The following LINC00632 variants were observed in gnomAD, a reference collection of about 807,000 sequenced individuals.
LINC00632 encodes the protein long independently transcribed non-coding RNA 632.
intron 2 of LINC00632, among the ~76,000 whole-genome samples, chrX:140,718,612 T>G (rs924591306): frequency 9.0e-6 from 1 of 111,023 alleles, no homozygotes; most frequent in Admixed American, 9.7e-5. Context: ...GGTTTCGCCA[T>G]GCTGGCCAGG....
chrX:140,787,333 T>C (rs1313785364), exon 5 of LINC00632, among the ~76,000 whole-genome samples: 1 of 111,789 alleles, frequency 8.9e-6, no homozygotes, highest in African/African-American at 3.2e-5. Context: ...ACTTAATAAA[T>C]TGTGAACAAC....
exon 5 of LINC00632, among the ~76,000 whole-genome samples, chrX:140,788,223 A>G (rs746118889): frequency 9.0e-6 from 1 of 110,514 alleles, no homozygotes; most frequent in Non-Finnish European, 1.9e-5. Context: ...ATGAATTCAT[A>G]TTATGGTTAA....
intron 2 of LINC00632, among the ~76,000 whole-genome samples, chrX:140,718,443 G>A (rs1182312169): frequency 3.1e-5 from 3 of 96,821 alleles, no homozygotes; most frequent in East Asian, 3.2e-4. Context: ...ATGGAGTCTC[G>A]CTCTTGTTGC....
At chrX:140,787,851 GA>G (rs1305555649) in exon 5 of LINC00632, among the ~76,000 whole-genome samples, 1 of 109,503 alleles carries the variant, frequency 9.1e-6, no homozygotes, top group Non-Finnish European at 1.9e-5. Flanking sequence ...ATACCTTCGG[GA>G]AAATAACTAG....
intron 3 of LINC00632, among the ~76,000 whole-genome samples, chrX:140,738,860 A>G (rs1289194157): frequency 1.8e-5 from 2 of 112,095 alleles, no homozygotes; most frequent in African/African-American, 6.5e-5. Context: ...ATTATATGAC[A>G]GTGCTGGTCT....
At chrX:140,738,516 GA>G (rs1931179008) in intron 3 of LINC00632, among the ~76,000 whole-genome samples, 1 of 112,073 alleles carries the variant, frequency 8.9e-6, no homozygotes, top group South Asian at 3.7e-4. Flanking sequence ...AAATGTCCTG[GA>G]AGGGATGTTT....
intron 2 of LINC00632, among the ~76,000 whole-genome samples, chrX:140,719,011 TCA>T (rs898192761): frequency 9.0e-6 from 1 of 111,705 alleles, no homozygotes; most frequent in African/African-American, 3.3e-5. Context: ...CAGAACAGCA[TCA>T]CACCACATAA....
chrX:140,711,681 C>T (rs750088834), intron 2 of LINC00632: 33 of 268,667 alleles, frequency 1.2e-4, no homozygotes, highest in Middle Eastern at 9.9e-4. Flanking sequence ...AAGGTTTCTT[C>T]CCCCCAACAC....
At chrX:140,773,072 A>T (rs1271704643) in exon 4 of LINC00632, among the ~76,000 whole-genome samples, 3 of 111,719 alleles carry the variant, frequency 2.7e-5, no homozygotes, top group Non-Finnish European at 5.6e-5. Flanking sequence ...AGGCTGAGGC[A>T]GGAGAATCGC....
At chrX:140,731,363 TC>T (rs1401313523) in intron 2 of LINC00632, among the ~76,000 whole-genome samples, 1 of 111,949 alleles carries the variant, frequency 8.9e-6, no homozygotes, top group African/African-American at 3.2e-5. Context: ...GCTCTACCAC[TC>T]CCTGGGGCTA....
At chrX:140,713,797 C>G (rs1930567904) in intron 2 of LINC00632, 1 of 329,072 alleles carries the variant, frequency 3.0e-6, no homozygotes, top group Admixed American at 3.2e-5. Context: ...AGAGACTCAC[C>G]TGAGGCACAC....
chrX:140,759,345 C>A (rs1247149165), intron 3 of LINC00632, among the ~76,000 whole-genome samples: 1 of 47,681 alleles, frequency 2.1e-5, no homozygotes, highest in East Asian at 4.3e-4. Context: ...TCCTTCCTTC[C>A]TTTCTTTCTT....
intron 3 of LINC00632, chrX:140,764,495 T>C (rs1301729288): frequency 8.9e-6 from 1 of 112,215 alleles, no homozygotes; most frequent in Non-Finnish European, 1.9e-5. Flanking sequence ...CCCCGCCCAG[T>C]GCAGAGGGTG....
intron 2 of LINC00632, among the ~76,000 whole-genome samples, chrX:140,731,688 T>C (rs763173820): frequency 6.3e-5 from 7 of 111,678 alleles, no homozygotes; most frequent in South Asian, 3.8e-4. Context: ...CATGGATACA[T>C]AGACATGCAG....
At position 140,751,736 on chromosome X, in the gene LINC00632, T is replaced by C. The variant is rs185826896; in HGVS notation, n.191+17772T>C. 7.0e-3 allele frequency among the ~76,000 whole-genome samples: 785 copies of C among 112,087 alleles called. 3 individuals carry two copies. Among genetic ancestry groups the C allele is most frequent in the Middle Eastern group, 0.019 (4 of 215 alleles). ...TTTTCAAATTTTTCATTTAATCTTG[T>C]ATTTGTGAATATTACTAAATGTCTT... On this transcript the variant is annotated intron_variant and non_coding_transcript_variant, in intron 3 of 4. Coordinates refer to ENST00000648200, the Ensembl canonical transcript of LINC00632.
chrX:140,774,792 G>C (rs747446386), exon 5 of LINC00632, among the ~76,000 whole-genome samples: 4 of 111,199 alleles, frequency 3.6e-5, no homozygotes, highest in Non-Finnish European at 7.5e-5. Context: ...TAATACTCAT[G>C]TCCTTGCCTC....
At chrX:140,718,123 C>T (rs1201341695) in intron 2 of LINC00632, among the ~76,000 whole-genome samples, 1 of 109,598 alleles carries the variant, frequency 9.1e-6, no homozygotes, top group African/African-American at 3.3e-5. Context: ...GCAACAAGAG[C>T]GAAACTCCGT....
At chrX:140,780,370 G>C (rs752758801) in exon 5 of LINC00632, among the ~76,000 whole-genome samples, 1 of 111,487 alleles carries the variant, frequency 9.0e-6, no homozygotes, top group African/African-American at 3.3e-5. Flanking sequence ...ATTTCTTTTT[G>C]TTTGCTGATG....
intron 3 of LINC00632, among the ~76,000 whole-genome samples, chrX:140,770,133 C>A (rs1931765143): frequency 9.0e-6 from 1 of 110,895 alleles, no homozygotes; most frequent in African/African-American, 3.3e-5. Flanking sequence ...GCGTTTGAAC[C>A]AGAGTGACTC....
Sources: allele counts gnomAD v4.1 joint callset (sites outside exome capture counted in the v4.1 genomes callset), GRCh38; gene constraint gnomAD v4.1.1; transcripts MANE v1.5; gene names NCBI Gene and HGNC (gene_info 2026-07-23, HGNC 2026-07-21).